The following EFCAB3 variants were observed in gnomAD, a reference collection of about 807,000 sequenced individuals.
The protein encoded by EFCAB3 is EF-hand calcium binding domain 3, also known as EF-hand calcium-binding domain-containing protein 3.
In EFCAB3, 36 loss-of-function variants were observed where a neutral mutation model predicts 42.2. That is an observed-to-expected ratio of 0.85 (90% CI 0.65 to 1.13). EFCAB3 has a LOEUF of 1.13. Among genes scored for constraint, EFCAB3 ranks in the 50% most tolerant of loss-of-function variants. EFCAB3 has a pLI of 0.00. For missense variants in EFCAB3, 418 were observed against 505.1 expected, an observed-to-expected ratio of 0.83 and a Z score of 1.65; for synonymous variants, 170 against 172.8, an observed-to-expected ratio of 0.98 and a Z score of 0.13.
intron 2 of EFCAB3, among the ~76,000 whole-genome samples, chr17:62,386,239 C>G (rs2070249791): frequency 6.6e-6 from 1 of 152,036 alleles, no homozygotes; most frequent in Admixed American, 6.6e-5. Flanking sequence ...TTACATGATA[C>G]ATTTTTGTGT....
chr17:62,370,261 C>T (rs529979133), exon 1 of EFCAB3: 101 of 1,551,170 alleles, frequency 6.5e-5, no homozygotes, highest in Admixed American at 9.8e-5. Context: ...TTCTAGCAAG[C>T]GAAGGGATTG....
chr17:62,378,662 C>T (rs148041194), upstream of EFCAB3, among the ~76,000 whole-genome samples: 100 of 151,852 alleles, frequency 6.6e-4, no homozygotes, highest in East Asian at 0.015. Context: ...ACTGCACCAC[C>T]GCACTTCAGC....
intron 2 of EFCAB3, among the ~76,000 whole-genome samples, chr17:62,385,357 C>G (rs2070239861): frequency 1.3e-5 from 2 of 152,074 alleles, no homozygotes; most frequent in South Asian, 2.1e-4. Context: ...GTGGAAGGAT[C>G]CTTGAGCCTG....
chr17:62,401,151 TA>T (rs2070399714), intron 6 of EFCAB3, among the ~76,000 whole-genome samples: 1 of 152,228 alleles, frequency 6.6e-6, no homozygotes, highest in Non-Finnish European at 1.5e-5. Flanking sequence ...TTTTTTCTTG[TA>T]AATTTGTTTA....
intron 6 of EFCAB3, among the ~76,000 whole-genome samples, chr17:62,395,643 C>T (rs1482719052): frequency 2.6e-5 from 4 of 152,144 alleles, no homozygotes; most frequent in African/African-American, 9.7e-5. Flanking sequence ...AGCCTTTGGA[C>T]TAGAGCAGAG....
Position 62,382,998 on chromosome 17 carries a change from A to C in EFCAB3, c.19A>C (p.Lys7Gln), listed in dbSNP as rs1316822224. The stretch of plus-strand genomic sequence containing the variant: ...TGGCCACATGGCAGTTTCAGAAATT[A>C]AACCAAAACTTAAGCTGAATCCTCT... MAVSEIKPKLKLNPLTK... is the reference protein window; with the variant it reads MAVSEIQPKLKLNPLTK... The change falls in exon 2 of 10, where the codon AAA becomes CAA. Residue 7 changes from lysine to glutamine, a missense_variant. Lys to Gln is a moderately conservative substitution (Grantham distance 53, BLOSUM62 1). Coordinates refer to ENST00000305286, the MANE Select transcript of EFCAB3 (RefSeq NM_173503.4). The C allele has an allele frequency of 1.2e-6, 2 of 1,613,766 alleles. No individual in the cohort carries two copies. Among genetic ancestry groups the C allele is most frequent in the Non-Finnish European group, 1.7e-6 (2 of 1,179,930 alleles).
chr17:62,414,583 T>TTG (rs4058759), intron 9 of EFCAB3, among the ~76,000 whole-genome samples: 2,708 of 148,684 alleles, frequency 0.018, 55 homozygotes, highest in African/African-American at 0.052. Flanking sequence ...TTTGTTTGTT[T>TTG]TGTGTGTGTG....
intron 8 of EFCAB3, 59 bp downstream of exon 8, chr17:62,407,271 C>G (rs2070457144): frequency 7.2e-7 from 1 of 1,385,174 alleles, no homozygotes; most frequent in Admixed American, 2.5e-5. Context: ...ACTAACTTAA[C>G]AGAACTAATG....
At chr17:62,371,339 G>A (rs1453517402) in intron 1 of EFCAB3, among the ~76,000 whole-genome samples, 1 of 152,080 alleles carries the variant, frequency 6.6e-6, no homozygotes, top group South Asian at 2.1e-4. Flanking sequence ...TGGATCACCT[G>A]AGGTCAGGAG....
chr17:62,416,465 A>C lies in EFCAB3; in HGVS notation c.*136A>C. 1.4e-6 allele frequency: 1 copy of C among 714,590 alleles called. No homozygotes were observed. The allele number at this position is 714,590 out of a possible 1,614,324, so 44.3% of individuals were successfully genotyped here. ...TCTTTTGGATTCTGACCAGTAAAAA[A>C]GTTTAAGTCATAAAATGGTTTCCCT... On this transcript the variant is annotated 3_prime_UTR_variant, in exon 10 of 10. Transcript: ENST00000305286.
At chr17:62,398,433 A>C (rs1458475042) in intron 6 of EFCAB3, among the ~76,000 whole-genome samples, 1 of 151,770 alleles carries the variant, frequency 6.6e-6, no homozygotes, top group Admixed American at 6.6e-5. Flanking sequence ...CAGCCTGGAC[A>C]ACAGAGTGAG....
chr17:62,381,932 C>T (rs878991556), intron 1 of EFCAB3: 30 of 319,016 alleles, frequency 9.4e-5, no homozygotes, highest in African/African-American at 4.6e-4. Flanking sequence ...GTTCCACCCC[C>T]GCTGCAGCAG....
At chr17:62,399,174 G>A (rs1201657241) in intron 6 of EFCAB3, among the ~76,000 whole-genome samples, 2 of 137,012 alleles carry the variant, frequency 1.5e-5, no homozygotes, top group African/African-American at 2.5e-5. Flanking sequence ...TTCCCTCAGA[G>A]TAAAAGCCAA....
upstream of EFCAB3, among the ~76,000 whole-genome samples, chr17:62,378,772 AG>A (rs1382616394): frequency 2.5e-4 from 1 of 3,980 alleles, no homozygotes; most frequent in Non-Finnish European, 4.4e-4. Flanking sequence ...GTTGGGGGGT[AG>A]GGGGGTGGGG....
Position 62,413,826 on chromosome 17 carries a change from T to A in EFCAB3, c.962T>A (p.Val321Glu). 6.2e-7 allele frequency: 1 copy of A among 1,612,036 alleles called. No individual in the cohort carries two copies. The highest frequency in any genetic ancestry group is 8.5e-7 in the Non-Finnish European group (1 of 1,179,262). Residue 321 changes from valine (V) to glutamate (E), a missense_variant, in exon 9 of 10, where the codon GTG becomes GAG. Transcript: ENST00000305286. ...QMLKKKQTCT[V>E]ADATAIKQHV... ...CTCAAGAAAAAGCAGACTTGTACAG[T>A]GGCCGATGCAACTGCTATTAAACAA...
intron 8 of EFCAB3, among the ~76,000 whole-genome samples, chr17:62,413,417 G>A (rs1393908632): frequency 1.2e-4 from 19 of 152,218 alleles, no homozygotes; most frequent in South Asian, 8.3e-4. Flanking sequence ...TTACAGATAC[G>A]TTTGTAAATT....
At chr17:62,414,255 T>G (rs571793453) in intron 9 of EFCAB3, among the ~76,000 whole-genome samples, 3 of 152,312 alleles carry the variant, frequency 2.0e-5, no homozygotes, top group South Asian at 4.1e-4. Context: ...GCTAAGAAGC[T>G]TGAGAAGATC....
chr17:62,396,172 G>A (rs75288155), intron 6 of EFCAB3, among the ~76,000 whole-genome samples: 3,290 of 152,236 alleles, frequency 0.022, 143 homozygotes, highest in African/African-American at 0.074. Context: ...TACATGTGAA[G>A]TGCTTAGCAC....
chr17:62,416,162 GT>G lies in EFCAB3; in HGVS notation c.1153del (p.Cys385AlafsTer10). The G allele has an allele frequency of 6.2e-7, 1 of 1,613,980 alleles. No homozygotes were observed. The highest frequency in any genetic ancestry group is 8.5e-7 in the Non-Finnish European group (1 of 1,179,864). The stretch of plus-strand genomic sequence containing the variant: ...TTCTACTTATACATGGTCCTGGAAT[GT>G]TTGCCAAGAATTACTTTCTCCTAAG... ...TFSTYTWSWNVCQELLSPKDL... is the reference protein window; with the variant it reads ...TFSTYTWSWNXCQELLSPKDL... On this transcript the variant is annotated frameshift_variant, in exon 10 of 10. Coordinates refer to ENST00000305286, the MANE Select transcript of EFCAB3 (RefSeq NM_173503.4). LOFTEE classifies it low-confidence loss of function (END_TRUNC).
Sources: allele counts gnomAD v4.1 joint callset (sites outside exome capture counted in the v4.1 genomes callset), GRCh38; gene constraint gnomAD v4.1.1; transcripts MANE v1.5; gene names NCBI Gene and HGNC (gene_info 2026-07-23, HGNC 2026-07-21).